The following ARHGAP22 variants were observed in gnomAD, a reference collection of about 807,000 sequenced individuals.
The protein encoded by ARHGAP22 is rho GTPase-activating protein 22.
ARHGAP22 carries 48 observed loss-of-function variants against 59.1 expected under a neutral mutation model. The observed-to-expected ratio is 0.81, with a 90% confidence interval of 0.64 to 1.03. The LOEUF (loss-of-function observed/expected upper bound fraction) is 1.03, where lower values mean the gene tolerates loss of function less well. ARHGAP22 is among the 50% of genes least tolerant of loss of function. The probability of loss-of-function intolerance (pLI) is 0.00; values close to 1 mark genes in which losing one functional copy is unlikely to be tolerated. For synonymous variants in ARHGAP22, 445 were observed against 416.4 expected (o/e 1.07, Z -0.84); for missense variants, 1,015 against 958.7 (o/e 1.06, Z -0.78).
chr10:48,449,495 C>T (rs1161020374), intron 9 of ARHGAP22, among the ~76,000 whole-genome samples: 1 of 152,242 alleles, frequency 6.6e-6, no homozygotes, highest in African/African-American at 2.4e-5. Flanking sequence ...ATGCCTTCCA[C>T]CTCCATCCAC....
chr10:48,473,776 T>C (rs1374053666), intron 4 of ARHGAP22, among the ~76,000 whole-genome samples: 1 of 152,200 alleles, frequency 6.6e-6, no homozygotes, highest in Non-Finnish European at 1.5e-5. Context: ...CTCTCACACT[T>C]CAATGCAATG....
rs1457947131 is a variant in ARHGAP22 at position 48,479,311 on chromosome 10, C to T, written c.451+325G>A. The T allele has an allele frequency of 8.9e-6, 4 of 451,660 alleles. No homozygotes were observed. The East Asian group carries it at 1.7e-4, about 19-fold the overall frequency. The allele number at this position is 451,660 out of a possible 1,614,324, so 28.0% of individuals were successfully genotyped here. On this transcript the variant is annotated intron_variant, in intron 4 of 9. Transcript: ENST00000249601. ...CCCTGGACACCACGAGACACATGTCCTTGTCTACCATCCCTCCCACAGAGA... is the reference window on the plus strand; with the variant it reads ...CCCTGGACACCACGAGACACATGTCTTTGTCTACCATCCCTCCCACAGAGA...
chr10:48,583,337 C>T (rs1723916913), intron 1 of ARHGAP22, among the ~76,000 whole-genome samples, 185 bp from the exon 2 acceptor site: 1 of 152,236 alleles, frequency 6.6e-6, no homozygotes, highest in Non-Finnish European at 1.5e-5. Context: ...TGTGCAGCAG[C>T]CTGCAGTGAT....
At chr10:48,562,290 C>CAT (rs201154770) in intron 2 of ARHGAP22, among the ~76,000 whole-genome samples, 126 of 41,906 alleles carry the variant, frequency 3.0e-3, no homozygotes, top group African/African-American at 0.012. Context: ...TCCGCTCCTA[C>CAT]ATATACCCAA....
intron 2 of ARHGAP22, among the ~76,000 whole-genome samples, chr10:48,569,935 C>T (rs973125427): frequency 6.6e-6 from 1 of 152,210 alleles, no homozygotes; most frequent in Non-Finnish European, 1.5e-5. Flanking sequence ...AGTCCCCAGA[C>T]ATTGCTGATG....
intron 2 of ARHGAP22, among the ~76,000 whole-genome samples, chr10:48,581,358 A>G (rs2059109433): frequency 6.6e-6 from 1 of 152,206 alleles, no homozygotes; most frequent in Non-Finnish European, 1.5e-5. Flanking sequence ...CCAGTTTGCA[A>G]ACTGTTCACT....
intron 1 of ARHGAP22, among the ~76,000 whole-genome samples, chr10:48,594,250 G>A (rs2059934899): frequency 6.6e-6 from 1 of 152,226 alleles, no homozygotes; most frequent in Non-Finnish European, 1.5e-5. Flanking sequence ...GTGGAAGCCT[G>A]GACCAAGCCT....
chr10:48,636,070 A>G (rs7092656), intron 1 of ARHGAP22, among the ~76,000 whole-genome samples: 1,982 of 152,276 alleles, frequency 0.013, 43 homozygotes, highest in African/African-American at 0.046. Flanking sequence ...CTTTTCATTA[A>G]AGAAAGAAGA....
intron 1 of ARHGAP22, among the ~76,000 whole-genome samples, chr10:48,600,080 CCT>C (rs2060292745): frequency 6.6e-6 from 1 of 152,142 alleles, no homozygotes; most frequent in African/African-American, 2.4e-5. Context: ...TATTATTCTG[CCT>C]CTGTTTTCTC....
intron 1 of ARHGAP22, among the ~76,000 whole-genome samples, chr10:48,614,086 G>A (rs1019781087): frequency 5.3e-5 from 8 of 152,186 alleles, no homozygotes; most frequent in African/African-American, 1.9e-4. Flanking sequence ...ATACATTTAT[G>A]TTCACTATAA....
At chr10:48,507,510 A>C (rs1002290380) in intron 3 of ARHGAP22, among the ~76,000 whole-genome samples, 16 of 152,194 alleles carry the variant, frequency 1.1e-4, no homozygotes, top group African/African-American at 3.6e-4. Flanking sequence ...AGGACTCAGA[A>C]AGGTTAGCCT....
At chr10:48,595,468 T>C (rs1218120132) in intron 1 of ARHGAP22, among the ~76,000 whole-genome samples, 1 of 152,218 alleles carries the variant, frequency 6.6e-6, no homozygotes. Flanking sequence ...TATTACCTAA[T>C]GGTTCTTGAG....
chr10:48,523,585 G>A (rs1223545487), intron 3 of ARHGAP22, among the ~76,000 whole-genome samples: 1 of 152,246 alleles, frequency 6.6e-6, no homozygotes, highest in East Asian at 1.9e-4. Context: ...TTGTGACAGA[G>A]GCGGGCGAGA....
intron 3 of ARHGAP22, among the ~76,000 whole-genome samples, chr10:48,504,575 C>T (rs1311777158): frequency 6.6e-6 from 1 of 152,150 alleles, no homozygotes; most frequent in Non-Finnish European, 1.5e-5. Context: ...GGCTTTCTTG[C>T]ACAGATCTGG....
At chr10:48,464,460 G>A (rs1026384286) in intron 4 of ARHGAP22, among the ~76,000 whole-genome samples, 6 of 152,268 alleles carry the variant, frequency 3.9e-5, no homozygotes, top group Non-Finnish European at 7.3e-5. Context: ...AACAGGTTCA[G>A]GGAGGAGGTG....
intron 2 of ARHGAP22, among the ~76,000 whole-genome samples, chr10:48,569,777 T>A (rs190728389): frequency 1.3e-5 from 2 of 152,242 alleles, no homozygotes; most frequent in East Asian, 3.8e-4. Flanking sequence ...ATCCGTCTTG[T>A]AGGCAGTATA....
At chr10:48,503,946 G>A (rs1036004071) in intron 3 of ARHGAP22, among the ~76,000 whole-genome samples, 2 of 152,240 alleles carry the variant, frequency 1.3e-5, no homozygotes, top group African/African-American at 4.8e-5. Flanking sequence ...TATTGAGAAC[G>A]TTTTCCCCCA....
chr10:48,560,613 T>A (rs947604486), intron 2 of ARHGAP22, among the ~76,000 whole-genome samples: 2 of 152,144 alleles, frequency 1.3e-5, no homozygotes, highest in Non-Finnish European at 2.9e-5. Flanking sequence ...TCTTTCACCA[T>A]AAAGTATGAT....
At chr10:48,511,153 G>C (rs1194401148) in intron 3 of ARHGAP22, among the ~76,000 whole-genome samples, 1 of 152,238 alleles carries the variant, frequency 6.6e-6, no homozygotes, top group Non-Finnish European at 1.5e-5. Context: ...AGGTGCTGGT[G>C]TCTACAAAGG....
Sources: allele counts gnomAD v4.1 joint callset (sites outside exome capture counted in the v4.1 genomes callset), GRCh38; gene constraint gnomAD v4.1.1; transcripts MANE v1.5; gene names NCBI Gene and HGNC (gene_info 2026-07-23, HGNC 2026-07-21).